The following FAP variants were observed in gnomAD, a reference collection of about 807,000 sequenced individuals.
The protein encoded by FAP is prolyl endopeptidase FAP.
A neutral mutation model predicts 126.5 loss-of-function variants in FAP; 110 were observed. The observed-to-expected ratio is 0.87, with a 90% CI of 0.74 to 1.02. The LOEUF is 1.02. Among genes scored for constraint, FAP ranks in the 50% least tolerant of loss-of-function variants. FAP has a pLI of 0.00. For synonymous variants in FAP, 334 were observed against 297.3 expected (o/e 1.12, Z -1.27); for missense variants, 919 against 909.2 (o/e 1.01, Z -0.14).
At position 162,200,612 on chromosome 2, in the gene FAP, A is replaced by C; in HGVS notation, c.1231T>G (p.Ser411Ala). The change falls in exon 15 of 26, where the codon TCT (serine) becomes GCT (alanine). Residue 411 changes from serine (S) to alanine (A), a missense_variant. Coordinates refer to ENST00000188790, the MANE Select transcript of FAP (RefSeq NM_004460.5). Reference sequence around the variant, plus strand: ...GGGTATTCTTCAAATTCATTGCTAGAATAAAACCTGAAAATATATTCAGAA... The same window carrying C: ...GGGTATTCTTCAAATTCATTGCTAGCATAAAACCTGAAAATATATTCAGAA... ...FRVTQDSLFY[S>A]SNEFEEYPGR... The C allele has an allele frequency of 7.0e-7, 1 of 1,424,618 alleles. No individual in the cohort carries two copies. The highest frequency in any genetic ancestry group is 9.7e-7 in the Non-Finnish European group (1 of 1,035,210). The allele number at this position is 1,424,618 out of a possible 1,614,324, so 88.2% of individuals were successfully genotyped here. A position where few individuals can be genotyped will look rare whatever the true frequency, so the allele number is the denominator to read the frequency against.
intron 17 of FAP, among the ~76,000 whole-genome samples, chr2:162,191,650 T>C (rs1280315196): frequency 6.6e-6 from 1 of 152,106 alleles, no homozygotes; most frequent in Non-Finnish European, 1.5e-5. Context: ...GATTTCTGTT[T>C]GAATCGTTTT....
At chr2:162,201,383 T>C (rs76714048) in intron 14 of FAP, among the ~76,000 whole-genome samples, 7,461 of 152,240 alleles carry the variant, frequency 0.049, 277 homozygotes, top group Non-Finnish European at 0.081. Context: ...AGCAATGGAA[T>C]ACAACTCGTT....
At chr2:162,215,056 A>T (rs1248186794) in intron 10 of FAP, among the ~76,000 whole-genome samples, 2 of 152,194 alleles carry the variant, frequency 1.3e-5, no homozygotes, top group Non-Finnish European at 2.9e-5. Context: ...GTATTGAGTC[A>T]AGTTTTCATC....
At chr2:162,180,290 C>T (rs916065707) in intron 21 of FAP, among the ~76,000 whole-genome samples, 13 of 152,124 alleles carry the variant, frequency 8.5e-5, no homozygotes, top group Non-Finnish European at 1.2e-4. Context: ...TGTTTTGGAA[C>T]GATAACTTCA....
intron 2 of FAP, among the ~76,000 whole-genome samples, chr2:162,240,641 C>A (rs112059571): frequency 0.032 from 4,906 of 152,240 alleles, 288 homozygotes; most frequent in African/African-American, 0.11. Context: ...CTGAGTGTGG[C>A]TTTAAGTTTC....
intron 12 of FAP, among the ~76,000 whole-genome samples, chr2:162,206,621 A>G (rs571819269): frequency 1.3e-5 from 2 of 152,352 alleles, no homozygotes; most frequent in East Asian, 3.9e-4. Context: ...CAGTCTAAGC[A>G]TGATGCCTTC....
At chr2:162,181,101 C>G (rs1008064980) in intron 21 of FAP, among the ~76,000 whole-genome samples, 1 of 151,806 alleles carries the variant, frequency 6.6e-6, no homozygotes, top group African/African-American at 2.4e-5. Context: ...ATGACAAAAT[C>G]TTGTCTCAAA....
intron 20 of FAP, among the ~76,000 whole-genome samples, chr2:162,187,852 A>G (rs1031245437): frequency 6.6e-6 from 1 of 152,110 alleles, no homozygotes; most frequent in Non-Finnish European, 1.5e-5. Flanking sequence ...GAAGATCATC[A>G]TTAGAGTTCA....
rs942012852 is a variant in FAP at position 162,223,753 on chromosome 2, A to G, written c.361-93T>C. On this transcript the variant is annotated intron_variant, in intron 5 of 25. Transcript: ENST00000188790. Reference sequence around the variant, plus strand: ...TCATATAGCATCCAATTCAAAGTTCAGAATTATAAAAGGACTACTTTCACA... The same window carrying G: ...TCATATAGCATCCAATTCAAAGTTCGGAATTATAAAAGGACTACTTTCACA... 4.9e-5 allele frequency: 39 copies of G among 790,514 alleles called. 1 individual carries two copies. The highest frequency in any genetic ancestry group is 8.3e-5 in the Non-Finnish European group (38 of 457,426). The allele number at this position is 790,514 out of a possible 1,614,324, so 49.0% of individuals were successfully genotyped here. A position where few individuals can be genotyped will look rare whatever the true frequency, so the allele number is the denominator to read the frequency against.
At chr2:162,219,225 G>C in intron 7 of FAP, 42 bp from the exon 8 acceptor site, 1 of 1,574,212 alleles carries the variant, frequency 6.4e-7, no homozygotes, top group Non-Finnish European at 8.6e-7. Context: ...CAAATTAAAT[G>C]AAGGCTGTAT....
intron 6 of FAP, among the ~76,000 whole-genome samples, chr2:162,221,985 T>G (rs1354587694): frequency 6.6e-6 from 1 of 152,002 alleles, no homozygotes; most frequent in Non-Finnish European, 1.5e-5. Context: ...TCTGAAATAC[T>G]AGATAGTTGT....
intron 21 of FAP, among the ~76,000 whole-genome samples, chr2:162,178,791 C>T (rs1382425670): frequency 1.3e-5 from 2 of 152,216 alleles, no homozygotes; most frequent in Non-Finnish European, 2.9e-5. Flanking sequence ...AACTCCTATA[C>T]TGTCTAATAC....
chr2:162,195,447 C>T (rs1688217365), intron 16 of FAP, among the ~76,000 whole-genome samples: 1 of 151,760 alleles, frequency 6.6e-6, no homozygotes, highest in Non-Finnish European at 1.5e-5. Context: ...CTTTTACCCC[C>T]TAGCATGGAG....
At chr2:162,211,410 T>C (rs1168180893) in intron 11 of FAP, among the ~76,000 whole-genome samples, 1 of 152,248 alleles carries the variant, frequency 6.6e-6, no homozygotes, top group African/African-American at 2.4e-5. Flanking sequence ...GAGGTTTTTA[T>C]GTTGTTGTTA....
At chr2:162,201,293 T>A (rs775429614) in intron 14 of FAP, among the ~76,000 whole-genome samples, 1 of 152,182 alleles carries the variant, frequency 6.6e-6, no homozygotes, top group Non-Finnish European at 1.5e-5. Context: ...TTGGTTGAAT[T>A]CTTAGGACAA....
At chr2:162,236,025 G>A (rs1690115005) in intron 2 of FAP, among the ~76,000 whole-genome samples, 1 of 152,116 alleles carries the variant, frequency 6.6e-6, no homozygotes. Context: ...ATGAAAGGGT[G>A]CTGCATTTTG....
intron 21 of FAP, chr2:162,175,564 G>A (rs1687457352): frequency 6.6e-6 from 1 of 152,160 alleles, no homozygotes; most frequent in Non-Finnish European, 1.5e-5. Flanking sequence ...GCAGCTCAAA[G>A]GAGGAAAAGT....
chr2:162,218,604 A>ATAG (rs1689256394), intron 8 of FAP, among the ~76,000 whole-genome samples: 1 of 143,932 alleles, frequency 6.9e-6, no homozygotes, highest in African/African-American at 2.6e-5. Flanking sequence ...TAGATAGATA[A>ATAG]ATAGATAGAG....
At chr2:162,185,344 T>G (rs1687830343) in intron 20 of FAP, among the ~76,000 whole-genome samples, 2 of 152,194 alleles carry the variant, frequency 1.3e-5, no homozygotes, top group Admixed American at 1.3e-4. Context: ...AAATTTCATC[T>G]CATGTAATTC....
Sources: allele counts gnomAD v4.1 joint callset (sites outside exome capture counted in the v4.1 genomes callset), GRCh38; gene constraint gnomAD v4.1.1; transcripts MANE v1.5; gene names NCBI Gene and HGNC (gene_info 2026-07-23, HGNC 2026-07-21).